CLPTM1: variants seen among roughly 807,000 people sequenced by gnomAD.
CLPTM1 encodes CLPTM1 regulator of GABA type A receptor forward trafficking.
Under a neutral mutation model 77.3 loss-of-function variants are expected in CLPTM1, and 21 were observed. That is an observed-to-expected ratio of 0.27 (90% confidence interval 0.19 to 0.39). CLPTM1 has a LOEUF of 0.39. CLPTM1 is among the 10% of genes least tolerant of loss of function. The pLI is 1.00. For missense variants in CLPTM1, 642 were observed against 921.2 expected (o/e 0.70, Z 3.92); for synonymous variants, 373 against 381.0 (o/e 0.98, Z 0.24).
At chr19:44,981,775 G>A (rs1187896026) in intron 5 of CLPTM1, among the ~76,000 whole-genome samples, 2 of 151,506 alleles carry the variant, frequency 1.3e-5, no homozygotes, top group African/African-American at 4.9e-5. Context: ...GCCAGGCATG[G>A]TGGCACATGC....
chr19:44,962,155 C>T, intron 2 of CLPTM1, 80 bp downstream of exon 2: 1 of 827,050 alleles, frequency 1.2e-6, no homozygotes, highest in Non-Finnish European at 1.9e-6. Flanking sequence ...AGCTGATCAG[C>T]TGAGGATGGT....
At chr19:44,973,724 C>T in intron 3 of CLPTM1, among the ~76,000 whole-genome samples, 1 of 143,174 alleles carries the variant, frequency 7.0e-6, no homozygotes. Context: ...GCCATTGGGG[C>T]TTGAGAAAGG....
chr19:44,992,179 AC>A lies in CLPTM1; in HGVS notation c.1556-53del. ...GGCTGGTATGGCCAGTGCAGAGTGC[AC>A]AGGGGAGAGGTGGGAGAGGCCATCC... On this transcript the variant is annotated intron_variant, in intron 12 of 13. Coordinates refer to ENST00000337392, the MANE Select transcript of CLPTM1 (RefSeq NM_001294.4). This position sits in a 1 kb window ranked among gnomAD's most constrained non-coding sequence, Gnocchi z 7.7. 6.3e-7 allele frequency: 1 copy of A among 1,597,322 alleles called. No homozygotes were observed. Among genetic ancestry groups the A allele is most frequent in the Non-Finnish European group, 8.6e-7 (1 of 1,167,308 alleles).
At chr19:44,978,222 C>G (rs1241544524) in intron 5 of CLPTM1, among the ~76,000 whole-genome samples, 1 of 151,912 alleles carries the variant, frequency 6.6e-6, no homozygotes, top group African/African-American at 2.4e-5. Flanking sequence ...CTGGCCAACA[C>G]GGTGAAACCC....
chr19:44,955,665 T>G, intron 1 of CLPTM1, 198 bp downstream of exon 1: 4 of 450,950 alleles, frequency 8.9e-6, no homozygotes, highest in Non-Finnish European at 1.1e-5. Flanking sequence ...TGCGGGTCGG[T>G]TCCCCTGCAC....
rs1407885248 is a variant in CLPTM1, at chr19:44,963,305, AT to A, written c.185+1237del. 6.2e-4 allele frequency among the ~76,000 whole-genome samples: 90 copies of A among 144,738 alleles called. 1 individual carries two copies. Among genetic ancestry groups the A allele is most frequent in the African/African-American group, 1.9e-3 (74 of 39,074 alleles). The allele number at this position is 144,738 out of a possible 152,430, so 95.0% of individuals were successfully genotyped here. A position where few individuals can be genotyped will look rare whatever the true frequency, so the allele number is the denominator to read the frequency against. On this transcript the variant is annotated intron_variant, in intron 2 of 13. Coordinates refer to ENST00000337392, the MANE Select transcript of CLPTM1 (RefSeq NM_001294.4). ...TAGGAGGATCACTTGAGCCTTGGAA[AT>A]TTTTTTATTTTTATTTTATGTATTT... is the stretch of plus-strand genomic sequence containing the variant.
rs1187297287 is a variant in CLPTM1 at position 44,987,921 on chromosome 19, CCTCT to C, written c.1039-153_1039-150del. 5.3e-5 allele frequency: 35 copies of C among 665,486 alleles called. No individual in the cohort carries two copies. In the East Asian group the frequency reaches 8.7e-4, roughly 16 times the overall value. The allele number at this position is 665,486 out of a possible 1,614,324, so 41.2% of individuals were successfully genotyped here. ...CTCTTCTGTCTTTGTGAGTCACCCT[CCTCT>C]CTCTCCCCATCTGCCCATCTCTGAC... On this transcript the variant is annotated intron_variant, in intron 8 of 13. Transcript: ENST00000337392.
chr19:44,982,346 CAA>C (rs200485766), intron 5 of CLPTM1, among the ~76,000 whole-genome samples: 107 of 132,728 alleles, frequency 8.1e-4, no homozygotes, highest in Admixed American at 1.4e-3. Flanking sequence ...GAGACTATGT[CAA>C]AAAAAAAAAA....
intron 1 of CLPTM1, among the ~76,000 whole-genome samples, chr19:44,960,528 A>G (rs533192432): frequency 4.6e-5 from 7 of 152,190 alleles, no homozygotes; most frequent in Admixed American, 6.5e-5. Context: ...AGCCCCTCCA[A>G]TGGTGTCCTG....
chr19:44,955,419 C>G lies in CLPTM1; in HGVS notation c.24C>G (p.Asp8Glu), dbSNP rs1390106775. The change falls in exon 1 of 14, where the codon GAC (aspartate) becomes GAG (glutamate). Residue 8 changes from aspartate (D) to glutamate (E), a missense_variant. Asp to Glu is a conservative substitution (Grantham distance 45). Around this residue, in one of 2 missense-constraint regions of CLPTM1, gnomAD observed 121 missense variants for 120.8 expected, o/e 1.00. Transcript: ENST00000337392. MAAAQEADGARSAVVAAG... is the reference protein window; with the variant it reads MAAAQEAEGARSAVVAAG... The stretch of plus-strand genomic sequence containing the variant: ...AGATGGCGGCGGCGCAGGAGGCGGA[C>G]GGGGCCCGCAGCGCCGTGGTGGCGG... 2.3e-6 allele frequency: 3 copies of G among 1,319,796 alleles called. No individual in the cohort carries two copies. Among genetic ancestry groups the G allele is most frequent in the Non-Finnish European group, 2.9e-6 (3 of 1,032,870 alleles). The allele number at this position is 1,319,796 out of a possible 1,614,324, so 81.8% of individuals were successfully genotyped here.
chr19:44,961,136 C>T (rs1039825847), intron 1 of CLPTM1, among the ~76,000 whole-genome samples: 1 of 152,222 alleles, frequency 6.6e-6, no homozygotes, highest in Non-Finnish European at 1.5e-5. Flanking sequence ...GGCTTCACCT[C>T]TCTGAGCCTC....
At chr19:44,983,509 C>A (rs180783952) in intron 5 of CLPTM1, among the ~76,000 whole-genome samples, 229 of 146,668 alleles carry the variant, frequency 1.6e-3, no homozygotes, top group African/African-American at 5.6e-3. Context: ...TCCCAGCTAC[C>A]CAGGAGGCTG....
chr19:44,954,887 G>A (rs1361258463), upstream of CLPTM1: 7 of 1,289,942 alleles, frequency 5.4e-6, no homozygotes, highest in South Asian at 7.1e-5. Flanking sequence ...AGAGGGGTCA[G>A]AAGACAAGGG....
chr19:44,992,558 C>T lies in CLPTM1; in HGVS notation c.1724-53C>T. 1.2e-6 allele frequency: 2 copies of T among 1,606,778 alleles called. No individual in the cohort carries two copies. The highest frequency in any genetic ancestry group is 1.7e-6 in the Non-Finnish European group (2 of 1,175,506). On this transcript the variant is annotated intron_variant, in intron 13 of 13. Transcript: ENST00000337392. This position sits in a 1 kb window ranked among gnomAD's most constrained non-coding sequence, Gnocchi z 7.7. ...ATCACGCCCTCTCCACCCAGGCCCACCTGGCTGTGGACGGGCCAGCCCGAC... is the reference window on the plus strand; with the variant it reads ...ATCACGCCCTCTCCACCCAGGCCCATCTGGCTGTGGACGGGCCAGCCCGAC...
At chr19:44,955,361 G>C, upstream of CLPTM1, 1 of 1,341,660 alleles carries the variant, frequency 7.5e-7, no homozygotes, top group East Asian at 2.9e-5. Flanking sequence ...GACGGGGCGG[G>C]GCTGGCGGCG....
chr19:44,965,837 TAAAAC>T (rs1410981117), intron 2 of CLPTM1, among the ~76,000 whole-genome samples: 1 of 152,062 alleles, frequency 6.6e-6, no homozygotes, highest in Non-Finnish European at 1.5e-5. Flanking sequence ...AATAAAAAAA[TAAAAC>T]AATCATTCCT....
chr19:44,967,062 C>T (rs942593696), intron 2 of CLPTM1, among the ~76,000 whole-genome samples: 1 of 152,110 alleles, frequency 6.6e-6, no homozygotes, highest in Middle Eastern at 3.2e-3. Context: ...AGGATAGTCT[C>T]GATCTCCTGA....
chr19:44,992,293 T>G lies in CLPTM1; in HGVS notation c.1616T>G (p.Leu539Arg), dbSNP rs1383322658. 1 of 1,614,114 alleles carries G rather than the reference T, an allele frequency of 6.2e-7. No individual in the cohort carries two copies. The highest frequency in any genetic ancestry group is 1.3e-5 in the African/African-American group (1 of 75,036). ...INYKLKSVAH[L>R]PWRMLTYKAL... ...TACAAGCTCAAGTCTGTGGCCCACC[T>G]TCCCTGGCGCATGCTCACCTACAAG... Residue 539 changes from leucine (L) to arginine (R), a missense_variant, in exon 13 of 14, where the codon CTT (leucine) becomes CGT (arginine). Around this residue, in one of 2 missense-constraint regions of CLPTM1, gnomAD observed 521 missense variants for 800.4 expected, o/e 0.65. Transcript: ENST00000337392. This position sits in a 1 kb window ranked among gnomAD's most constrained non-coding sequence, Gnocchi z 7.7.
intron 5 of CLPTM1, among the ~76,000 whole-genome samples, chr19:44,983,205 G>T (rs1316881045): frequency 6.6e-6 from 1 of 152,062 alleles, no homozygotes; most frequent in Non-Finnish European, 1.5e-5. Context: ...AGCCAAGATT[G>T]CCCCCAGAGC....
Sources: allele counts gnomAD v4.1 joint callset (sites outside exome capture counted in the v4.1 genomes callset), GRCh38; gene constraint gnomAD v4.1.1; regional missense constraint gnomAD v4.1.1; non-coding constraint Gnocchi (gnomAD v3.1); transcripts MANE v1.5; gene names NCBI Gene and HGNC (gene_info 2026-07-23, HGNC 2026-07-21).